NKAIN3: variants seen among roughly 807,000 people sequenced by gnomAD.
The protein encoded by NKAIN3 is sodium/potassium transporting ATPase interacting 3.
A neutral mutation model predicts 30.2 loss-of-function variants in NKAIN3; 25 were observed. The observed-to-expected ratio is 0.83, with a 90% CI of 0.60 to 1.16. The LOEUF (loss-of-function observed/expected upper bound fraction) is 1.16, where lower values mean the gene tolerates loss of function less well. Among genes scored for constraint, NKAIN3 ranks in the 50% most tolerant of loss-of-function variants. NKAIN3 has a pLI of 0.00. For synonymous variants in NKAIN3, 91 were observed against 89.6 expected (o/e 1.02, Z -0.09); for missense variants, 225 against 254.1 (o/e 0.89, Z 0.78).
intron 1 of NKAIN3, among the ~76,000 whole-genome samples, chr8:62,298,991 G>A (rs1813942342): frequency 6.6e-6 from 1 of 151,586 alleles, no homozygotes; most frequent in Admixed American, 6.6e-5. Flanking sequence ...CAATACAGCA[G>A]GTACTTCACA....
At chr8:62,391,577 T>C (rs1317971083) in intron 1 of NKAIN3, among the ~76,000 whole-genome samples, 1 of 151,488 alleles carries the variant, frequency 6.6e-6, no homozygotes, top group African/African-American at 2.4e-5. Context: ...TACATAGAAA[T>C]GGAATAAAAT....
chr8:62,853,699 T>G (rs1428932417), intron 4 of NKAIN3, among the ~76,000 whole-genome samples: 1 of 152,200 alleles, frequency 6.6e-6, no homozygotes, highest in African/African-American at 2.4e-5. Context: ...TTCATGTCTC[T>G]GTCTCCTTCA....
At chr8:62,558,547 TG>T (rs1240061412) in intron 1 of NKAIN3, among the ~76,000 whole-genome samples, 2 of 151,962 alleles carry the variant, frequency 1.3e-5, no homozygotes, top group African/African-American at 4.8e-5. Context: ...TGGGCAAAAA[TG>T]CACATTTTAA....
At chr8:62,558,122 A>G (rs529655255) in intron 1 of NKAIN3, among the ~76,000 whole-genome samples, 2 of 152,172 alleles carry the variant, frequency 1.3e-5, no homozygotes, top group East Asian at 3.9e-4. Flanking sequence ...ATTCTCTTCC[A>G]TGTGGCTTGC....
chr8:62,891,131 T>C (rs1243416385), intron 4 of NKAIN3, among the ~76,000 whole-genome samples: 2 of 152,158 alleles, frequency 1.3e-5, no homozygotes, highest in Non-Finnish European at 2.9e-5. Flanking sequence ...CAAGGGACAT[T>C]AACATTTGAG....
intron 3 of NKAIN3, among the ~76,000 whole-genome samples, chr8:62,666,844 C>A (rs900405658): frequency 1.1e-4 from 16 of 152,000 alleles, no homozygotes; most frequent in African/African-American, 3.9e-4. Flanking sequence ...TTCATCAAAC[C>A]CACTTCAAGT....
chr8:62,665,157 A>G (rs1355445131), intron 3 of NKAIN3, among the ~76,000 whole-genome samples: 3 of 152,208 alleles, frequency 2.0e-5, no homozygotes, highest in Non-Finnish European at 4.4e-5. Context: ...TCACATGCAC[A>G]TACACATAAT....
chr8:62,358,954 G>C (rs548171118), intron 1 of NKAIN3, among the ~76,000 whole-genome samples: 2 of 152,294 alleles, frequency 1.3e-5, no homozygotes, highest in South Asian at 4.1e-4. Context: ...GGCCAAGGTG[G>C]GTGGATCACG....
chr8:62,475,909 C>G (rs1352862137), intron 1 of NKAIN3, among the ~76,000 whole-genome samples: 1 of 152,182 alleles, frequency 6.6e-6, no homozygotes, highest in East Asian at 1.9e-4. Flanking sequence ...GATTACAGCT[C>G]TCTTCTTGAA....
chr8:62,945,679 G>T (rs1166894067), intron 5 of NKAIN3, among the ~76,000 whole-genome samples: 1 of 152,136 alleles, frequency 6.6e-6, no homozygotes, highest in Non-Finnish European at 1.5e-5. Context: ...CATTTAGGAG[G>T]TCTTACATTC....
At chr8:62,544,302 C>T (rs1808941063) in intron 1 of NKAIN3, among the ~76,000 whole-genome samples, 1 of 152,078 alleles carries the variant, frequency 6.6e-6, no homozygotes. Flanking sequence ...TGAATCCAGA[C>T]TTGTGTATTT....
At chr8:62,674,425 T>C (rs1035491125) in intron 3 of NKAIN3, among the ~76,000 whole-genome samples, 1 of 152,226 alleles carries the variant, frequency 6.6e-6, no homozygotes, top group Non-Finnish European at 1.5e-5. Flanking sequence ...TATTTGTCCA[T>C]GTGTCAGACT....
At chr8:62,257,574 T>C (rs1223276123) in intron 1 of NKAIN3, among the ~76,000 whole-genome samples, 21 of 152,220 alleles carry the variant, frequency 1.4e-4, no homozygotes, top group Non-Finnish European at 3.1e-4. Context: ...ATAATGTCTC[T>C]GTAAGCTGCC....
chr8:62,460,718 G>C (rs1418379449), intron 1 of NKAIN3, among the ~76,000 whole-genome samples: 1 of 152,132 alleles, frequency 6.6e-6, no homozygotes, highest in Non-Finnish European at 1.5e-5. Flanking sequence ...GTCAGTATTT[G>C]ACCTGTCTTT....
intron 6 of NKAIN3, among the ~76,000 whole-genome samples, chr8:62,964,634 A>T (rs1207166887): frequency 1.3e-5 from 2 of 151,436 alleles, no homozygotes; most frequent in African/African-American, 2.4e-5. Context: ...CAAGGAAGAG[A>T]TGCAGCTCAA....
At position 62,971,173 on chromosome 8, in the gene NKAIN3, G is replaced by A. The variant is rs1823826653; in HGVS notation, c.*5766G>A. Reference sequence around the variant, plus strand: ...TTGGTTTTGTATTCTGGCCTTGGAGGTGGAGAAGGAACAAAAGGAATGTTT... The same window carrying A: ...TTGGTTTTGTATTCTGGCCTTGGAGATGGAGAAGGAACAAAAGGAATGTTT... On this transcript the variant is annotated 3_prime_UTR_variant, in exon 7 of 7. Coordinates refer to ENST00000623646, the MANE Select transcript of NKAIN3 (RefSeq NM_001304533.3). Among the ~76,000 whole-genome samples the A allele has an allele frequency of 6.6e-6, 1 of 152,154 alleles. No individual in the cohort carries two copies. The highest frequency in any genetic ancestry group is 1.5e-5 in the Non-Finnish European group (1 of 68,024).
chr8:62,688,734 A>G (rs568388835), intron 3 of NKAIN3, among the ~76,000 whole-genome samples: 240 of 141,118 alleles, frequency 1.7e-3, no homozygotes, highest in African/African-American at 6.5e-3. Flanking sequence ...AGACAGACAG[A>G]CAGACAGACA....
chr8:62,794,229 T>A (rs1033474154), intron 4 of NKAIN3, among the ~76,000 whole-genome samples: 1 of 152,192 alleles, frequency 6.6e-6, no homozygotes, highest in Non-Finnish European at 1.5e-5. Context: ...TAGTAATAAG[T>A]GGCATCAAAA....
chr8:62,462,176 G>A (rs2129599559), intron 1 of NKAIN3, among the ~76,000 whole-genome samples: 1 of 152,280 alleles, frequency 6.6e-6, no homozygotes, highest in South Asian at 2.1e-4. Context: ...AGATGGGATG[G>A]CAGTTTTGGT....
Sources: allele counts gnomAD v4.1 joint callset (sites outside exome capture counted in the v4.1 genomes callset), GRCh38; gene constraint gnomAD v4.1.1; transcripts MANE v1.5; gene names NCBI Gene and HGNC (gene_info 2026-07-23, HGNC 2026-07-21).